TRIP11: variants seen among roughly 807,000 people sequenced by gnomAD.
TRIP11 encodes the protein thyroid hormone receptor interactor 11, also known as thyroid receptor-interacting protein 11.
TRIP11 carries 148 observed loss-of-function variants against 223.1 expected under a neutral mutation model. That is an observed-to-expected ratio of 0.66 (90% CI 0.58 to 0.76). The LOEUF (loss-of-function observed/expected upper bound fraction) is 0.76, where lower values mean the gene tolerates loss of function less well. Ranked by LOEUF, TRIP11 falls within the 30% of genes least tolerant of loss-of-function variation. TRIP11 has a pLI of 0.00. For missense variants in TRIP11, 2,043 were observed against 2,222.0 expected, an observed-to-expected ratio of 0.92 and a Z score of 1.62; for synonymous variants, 762 against 772.6, an observed-to-expected ratio of 0.99 and a Z score of 0.23.
intron 16 of TRIP11, among the ~76,000 whole-genome samples, chr14:91,981,143 G>C (rs1290608404): frequency 6.7e-6 from 1 of 148,720 alleles, no homozygotes; most frequent in African/African-American, 2.5e-5. Flanking sequence ...GGTCTCGCGA[G>C]TAGCTGGGAT....
At position 92,014,451 on chromosome 14, in the gene TRIP11, T is replaced by C. The variant is rs140416653; in HGVS notation, c.950A>G (p.Asp317Gly). 10 of 1,599,618 alleles carry C rather than the reference T, an allele frequency of 6.3e-6. No homozygotes were observed. Among genetic ancestry groups the C allele is most frequent in the Non-Finnish European group, 8.5e-6 (10 of 1,174,396 alleles). The change falls in exon 7 of 21, where the codon GAT (aspartate) becomes GGT (glycine). Residue 317 changes from aspartate (D) to glycine (G), a missense_variant. By Grantham distance (94) the Asp-to-Gly change is moderately conservative. Transcript: ENST00000267622. ...TGCAGAAGATAATTTTTTATTTATA[T>C]CTTTTATTTTATCCTCAAGTTGTTC... ...KMEQLEDKIK[D>G]INKKLSSAEN...
At position 92,033,262 on chromosome 14, in the gene TRIP11, G is replaced by A; in HGVS notation, c.140-9C>T. ...AGAATCAGGTAATTCTGCTACAAGA[G>A]AAATAACAAATATTGAATATTTAAT... On this transcript the variant is annotated splice_polypyrimidine_tract_variant and intron_variant, in intron 1 of 20. Transcript: ENST00000267622. 6.2e-7 allele frequency: 1 copy of A among 1,604,108 alleles called. No homozygotes were observed. Among genetic ancestry groups the A allele is most frequent in the Non-Finnish European group, 8.5e-7 (1 of 1,171,626 alleles).
Position 92,004,175 on chromosome 14 carries a change from ATAGTCCAC to A in TRIP11, c.3793_3800del (p.Val1265TyrfsTer8). 1.9e-6 allele frequency: 3 copies of A among 1,614,196 alleles called. No individual in the cohort carries two copies. The highest frequency in any genetic ancestry group is 2.5e-6 in the Non-Finnish European group (3 of 1,180,042). ...GCTCATAACTTTGGATCAGGCCAGT[ATAGTCCAC>A]TTGTAATTTAGAATTATTATCACTG... On this transcript the variant is annotated frameshift_variant, in exon 11 of 21. Transcript: ENST00000267622. LOFTEE classifies it high-confidence loss of function.
intron 16 of TRIP11, among the ~76,000 whole-genome samples, chr14:91,982,971 G>C (rs888434023): frequency 1.3e-5 from 2 of 152,180 alleles, no homozygotes; most frequent in African/African-American, 4.8e-5. Flanking sequence ...CTAGTCAACT[G>C]TATCTTCAGC....
chr14:91,993,166 T>C (rs1260564049), intron 15 of TRIP11, among the ~76,000 whole-genome samples: 2 of 151,720 alleles, frequency 1.3e-5, no homozygotes, highest in African/African-American at 4.8e-5. Flanking sequence ...GGTACAAATT[T>C]AAAATTTTGT....
At position 92,021,722 on chromosome 14, in the gene TRIP11, G is replaced by A; in HGVS notation, c.422C>T (p.Thr141Ile). ...CCCATAAGCGAATGAAGATGATGCAGTGGTTGCTGGTACACCAGCTCCTGA... is the reference window on the plus strand; with the variant it reads ...CCCATAAGCGAATGAAGATGATGCAATGGTTGCTGGTACACCAGCTCCTGA... ...VPSGAGVPAT[T>I]ASSSFAYGIS... Residue 141 changes from threonine to isoleucine, a missense_variant, in exon 4 of 21, where the codon ACT becomes ATT. Coordinates refer to ENST00000267622, the MANE Select transcript of TRIP11 (RefSeq NM_004239.4). 6.2e-7 allele frequency: 1 copy of A among 1,614,192 alleles called. No homozygotes were observed. Among genetic ancestry groups the A allele is most frequent in the African/African-American group, 1.3e-5 (1 of 75,058 alleles).
rs35251290 is a variant in TRIP11 at position 91,968,333 on chromosome 14, A to ATT, written c.*1338_*1339dup. 4 of 198,416 alleles carry ATT rather than the reference A, an allele frequency of 2.0e-5. No homozygotes were observed. Among genetic ancestry groups the ATT allele is most frequent in the African/African-American group, 7.0e-5 (3 of 43,082 alleles). The allele number at this position is 198,416 out of a possible 1,614,324, so 12.3% of individuals were successfully genotyped here. On this transcript the variant is annotated 3_prime_UTR_variant, in exon 21 of 21. Coordinates refer to ENST00000267622, the MANE Select transcript of TRIP11 (RefSeq NM_004239.4). The stretch of plus-strand genomic sequence containing the variant: ...AGATACAGTTAAGTTTCAAGTCGGG[A>ATT]TTTTTTTTTTATGATGGGTTTATGA...
In TRIP11 at chr14:92,005,350, G is replaced by C. The variant is rs201238496; in HGVS notation, c.2626C>G (p.Gln876Glu). 1 of 1,614,172 alleles carries C rather than the reference G, an allele frequency of 6.2e-7. No homozygotes were observed. The highest frequency in any genetic ancestry group is 8.5e-7 in the Non-Finnish European group (1 of 1,180,026). Residue 876 changes from glutamine (Q) to glutamate (E), a missense_variant, in exon 11 of 21, where the codon CAG becomes GAG. Gln to Glu is a conservative substitution (Grantham distance 29). Transcript: ENST00000267622. ...QEELERLREEQSRTAPVADPK... is the reference protein window; with the variant it reads ...QEELERLREEESRTAPVADPK... ...TCAGCCACAGGTGCGGTTCGACTCT[G>C]CTCTTCCCTGAGTCGTTCCAATTCT...
chr14:91,974,784 A>AT, intron 18 of TRIP11, 41 bp from the exon 19 acceptor site: 2 of 1,432,916 alleles, frequency 1.4e-6, no homozygotes, highest in Non-Finnish European at 9.6e-7. Flanking sequence ...TATCAGTACA[A>AT]GAAAAAAAAA....
Position 92,004,838 on chromosome 14 carries a change from A to G in TRIP11, c.3138T>C (p.Ile1046=), listed in dbSNP as rs377563979. Residue 1046 remains isoleucine (I), a synonymous_variant, in exon 11 of 21, where the codon ATT becomes ATC. Coordinates refer to ENST00000267622, the MANE Select transcript of TRIP11 (RefSeq NM_004239.4). ...CAACTTCATCTTTGGACAACTGATC[A>G]ATCTGTTTAGTTAAAGATATATTCT... ...NEKNISLTKQ[I]DQLSKDEVGK... is the part of the protein sequence containing the mutation. 6.2e-7 allele frequency: 1 copy of G among 1,613,884 alleles called. No individual in the cohort carries two copies. The highest frequency in any genetic ancestry group is 1.3e-5 in the African/African-American group (1 of 74,942).
chr14:92,012,265 T>C (rs28750367), intron 7 of TRIP11, among the ~76,000 whole-genome samples: 1,835 of 152,238 alleles, frequency 0.012, 36 homozygotes, highest in African/African-American at 0.041. Flanking sequence ...AAAAAGACCA[T>C]TCAATTTGGT....
At chr14:92,036,764 C>T (rs780656853) in intron 1 of TRIP11, among the ~76,000 whole-genome samples, 2 of 152,094 alleles carry the variant, frequency 1.3e-5, no homozygotes, top group Non-Finnish European at 2.9e-5. Context: ...TAGACAGGGT[C>T]GTCTCTGTCA....
intron 1 of TRIP11, among the ~76,000 whole-genome samples, chr14:92,035,034 G>A (rs2057308900): frequency 6.6e-6 from 1 of 151,904 alleles, no homozygotes; most frequent in South Asian, 2.1e-4. Flanking sequence ...GCTGGTCTCG[G>A]TGGCTCATGC....
At chr14:91,977,207 T>C (rs1167971655) in intron 16 of TRIP11, 2 of 454,316 alleles carry the variant, frequency 4.4e-6, no homozygotes, top group South Asian at 3.1e-5. Context: ...CAAACATGTT[T>C]TCCCCATTCT....
At chr14:92,028,530 G>C (rs551341595) in intron 2 of TRIP11, among the ~76,000 whole-genome samples, 9 of 152,096 alleles carry the variant, frequency 5.9e-5, no homozygotes, top group Non-Finnish European at 1.3e-4. Flanking sequence ...CTCCAACTTG[G>C]GTGACAGAGC....
intron 17 of TRIP11, among the ~76,000 whole-genome samples, chr14:91,975,636 C>A (rs1222957993): frequency 6.6e-6 from 1 of 151,956 alleles, no homozygotes; most frequent in African/African-American, 2.4e-5. Context: ...ATGGTGATGA[C>A]TGTTGTGTTT....
chr14:92,017,847 A>C (rs1242589756), intron 4 of TRIP11, 97 bp from the exon 5 acceptor site: 1 of 1,105,828 alleles, frequency 9.0e-7, no homozygotes, highest in Non-Finnish European at 1.3e-6. Context: ...TTTTGTAAAA[A>C]GGGGGATTTT....
At chr14:92,025,044 T>C (rs948813434) in intron 3 of TRIP11, among the ~76,000 whole-genome samples, 2 of 152,180 alleles carry the variant, frequency 1.3e-5, no homozygotes, top group Non-Finnish European at 2.9e-5. Flanking sequence ...AAAGATATTT[T>C]ATACAAAAAC....
chr14:91,991,290 G>A (rs1207918405), intron 15 of TRIP11, among the ~76,000 whole-genome samples: 1 of 152,106 alleles, frequency 6.6e-6, no homozygotes, highest in African/African-American at 2.4e-5. Context: ...TAGCAAGGAG[G>A]TTTACCAGTT....
Sources: allele counts gnomAD v4.1 joint callset (sites outside exome capture counted in the v4.1 genomes callset), GRCh38; gene constraint gnomAD v4.1.1; transcripts MANE v1.5; gene names NCBI Gene and HGNC (gene_info 2026-07-23, HGNC 2026-07-21).